The following CES5A variants were observed in gnomAD, a reference collection of about 807,000 sequenced individuals.
CES5A encodes the protein carboxylesterase 5.
A neutral mutation model predicts 62.9 loss-of-function variants in CES5A; 67 were observed. That is an observed-to-expected ratio of 1.07 (90% CI 0.88 to 1.31). The LOEUF is 1.31. Among genes scored for constraint, CES5A ranks in the 50% most tolerant of loss-of-function variants. The pLI is 0.00. For synonymous variants in CES5A, 296 were observed against 280.8 expected, an observed-to-expected ratio of 1.05 and a Z score of -0.54; for missense variants, 748 against 708.5, an observed-to-expected ratio of 1.06 and a Z score of -0.63.
intron 1 of CES5A, among the ~76,000 whole-genome samples, chr16:55,953,501 C>A (rs983891060): frequency 6.6e-6 from 1 of 151,810 alleles, no homozygotes; most frequent in African/African-American, 2.4e-5. Context: ...TTTAATGTAC[C>A]ACAGCAATGA....
At position 55,874,026 on chromosome 16, in the gene CES5A, C is replaced by CA; in HGVS notation, c.84dup (p.Glu29Ter). Reference sequence around the variant, plus strand: ...AGCCTGGTGTTCCTCTGTGGCCCTTCAGCAGAAGGCCCTGCGGGAACACAT... The same window carrying CA: ...AGCCTGGTGTTCCTCTGTGGCCCTTCAAGCAGAAGGCCCTGCGGGAACACAT... On this transcript the variant is annotated frameshift_variant, in exon 2 of 13. Transcript: ENST00000290567. LOFTEE classifies it high-confidence loss of function. 2 of 1,604,626 alleles carry CA rather than the reference C, an allele frequency of 1.2e-6. No individual in the cohort carries two copies. The highest frequency in any genetic ancestry group is 1.7e-6 in the Non-Finnish European group (2 of 1,176,214).
chr16:55,919,879 G>C (rs13332241), intron 1 of CES5A, among the ~76,000 whole-genome samples: 2,845 of 152,234 alleles, frequency 0.019, 90 homozygotes, highest in African/African-American at 0.064. Context: ...TAAATACAGT[G>C]TGTCCTTCCA....
At chr16:55,874,964 C>G (rs1214830362) in intron 1 of CES5A, among the ~76,000 whole-genome samples, 185 bp downstream of exon 1, 1 of 152,202 alleles carries the variant, frequency 6.6e-6, no homozygotes, top group Non-Finnish European at 1.5e-5. Flanking sequence ...TGTGCGCTAC[C>G]CACTCCCAAG....
intron 11 of CES5A, 143 bp downstream of exon 11, chr16:55,849,481 G>C (rs1316447634): frequency 1.2e-6 from 1 of 847,740 alleles, no homozygotes; most frequent in African/African-American, 1.7e-5. Flanking sequence ...ATGGAAGGGA[G>C]GGCATTTTCC....
In CES5A at chr16:55,932,090, T is replaced by A. The variant is rs138840730; in HGVS notation, c.160+17695A>T. On this transcript the variant is annotated intron_variant, in intron 2 of 13. Coordinates refer to the CES5A transcript ENST00000521992. ...GGTTATCAGAGGACTGGGTTGGTTATCACAAGAGTGTGTCTATTATAAAAG... is the reference window on the plus strand; with the variant it reads ...GGTTATCAGAGGACTGGGTTGGTTAACACAAGAGTGTGTCTATTATAAAAG... Among the ~76,000 whole-genome samples the A allele has an allele frequency of 2.7e-3, 404 of 152,310 alleles. 2 individuals are homozygous for A. The highest frequency in any genetic ancestry group is 9.0e-3 in the African/African-American group (376 of 41,562).
chr16:55,949,836 T>C (rs1335346555), exon 2 of CES5A: 1 of 1,526,816 alleles, frequency 6.5e-7, no homozygotes, highest in Non-Finnish European at 8.8e-7. Flanking sequence ...ACATACAAAG[T>C]TGAGGAGGCT....
In CES5A at chr16:55,860,046, G is replaced by T. The variant is rs192096027; in HGVS notation, c.916-359C>A. On this transcript the variant is annotated intron_variant, in intron 7 of 12. Transcript: ENST00000290567. Reference sequence around the variant, plus strand: ...CCACATGTTGTGGCAGGGACCTGGTGAGAGGTAATTGAATCATGGGGGCAG... The same window carrying T: ...CCACATGTTGTGGCAGGGACCTGGTTAGAGGTAATTGAATCATGGGGGCAG... 4.9e-3 allele frequency among the ~76,000 whole-genome samples: 747 copies of T among 152,292 alleles called. 3 individuals are homozygous for T. Among genetic ancestry groups the T allele is most frequent in the Non-Finnish European group, 7.7e-3 (527 of 68,016 alleles).
chr16:55,856,395 A>C lies in CES5A; in HGVS notation c.1107T>G (p.His369Gln). ...TACTCACCAGGATGTTTTGTATCAG[A>C]TGGAGGGCAAGGGACTTGTTGGAGC... ...LSGSNKSLAL[H>Q]LIQNILHIPP... Residue 369 changes from histidine (H) to glutamine (Q), a missense_variant, in exon 9 of 13, where the codon CAT (histidine) becomes CAG (glutamine). Physicochemically the swap from His to Gln is conservative, Grantham distance 24. Coordinates refer to ENST00000290567, the MANE Select transcript of CES5A (RefSeq NM_001143685.2). 6.2e-7 allele frequency: 1 copy of C among 1,614,086 alleles called. No individual in the cohort carries two copies. The highest frequency in any genetic ancestry group is 1.7e-4 in the Middle Eastern group (1 of 6,058).
At chr16:55,874,529 A>G (rs1336789075) in intron 1 of CES5A, among the ~76,000 whole-genome samples, 1 of 151,280 alleles carries the variant, frequency 6.6e-6, no homozygotes, top group Non-Finnish European at 1.5e-5. Flanking sequence ...TTAAAATTTT[A>G]CCTAGAAGAA....
Position 55,871,698 on chromosome 16 carries a change from A to G in CES5A, c.344T>C (p.Phe115Ser), listed in dbSNP as rs2033591260. The G allele has an allele frequency of 6.2e-7, 1 of 1,614,096 alleles. No homozygotes were observed. The highest frequency in any genetic ancestry group is 1.6e-4 in the Middle Eastern group (1 of 6,062). The change falls in exon 3 of 13, where the codon TTC becomes TCC. Residue 115 changes from phenylalanine (F) to serine (S), a missense_variant. Phe to Ser is a radical substitution (Grantham distance 155, BLOSUM62 -2). Coordinates refer to ENST00000290567, the MANE Select transcript of CES5A (RefSeq NM_001143685.2). ...GTAGAGGCAGTCTTCTGACACTCCG[A>G]ATTTCGGGTAATGCACCTTGAGCAT... ...QHMLKVHYPKFGVSEDCLYLN... is the reference protein window; with the variant it reads ...QHMLKVHYPKSGVSEDCLYLN...
intron 1 of CES5A, among the ~76,000 whole-genome samples, chr16:55,920,277 G>A: frequency 6.6e-6 from 1 of 152,164 alleles, no homozygotes; most frequent in East Asian, 1.9e-4. Context: ...AGGTGAGATT[G>A]AGAAGAGCAA....
intron 1 of CES5A, among the ~76,000 whole-genome samples, chr16:55,891,835 TC>T (rs746055678): frequency 2.0e-4 from 30 of 152,178 alleles, no homozygotes; most frequent in Non-Finnish European, 3.4e-4. Context: ...TATCATGACT[TC>T]CTTTCTAATC....
At chr16:55,902,996 C>T (rs753994393) in intron 1 of CES5A, among the ~76,000 whole-genome samples, 11 of 152,038 alleles carry the variant, frequency 7.2e-5, no homozygotes, top group Admixed American at 1.3e-4. Flanking sequence ...AGAAGGGCAA[C>T]AAAAACAAAC....
At chr16:55,904,804 T>A (rs1244193140) in intron 1 of CES5A, among the ~76,000 whole-genome samples, 3 of 152,110 alleles carry the variant, frequency 2.0e-5, no homozygotes, top group East Asian at 3.9e-4. Flanking sequence ...CTTTCTAGTC[T>A]CAGGTCGGGC....
At chr16:55,877,356 G>A (rs570762478), upstream of CES5A, among the ~76,000 whole-genome samples, 34 of 152,148 alleles carry the variant, frequency 2.2e-4, no homozygotes, top group African/African-American at 6.7e-4. Context: ...CCAGAGAGGC[G>A]AAGAATTCTC....
chr16:55,945,675 A>T (rs2034487711), intron 2 of CES5A, among the ~76,000 whole-genome samples: 1 of 152,244 alleles, frequency 6.6e-6, no homozygotes, highest in South Asian at 2.1e-4. Context: ...TGTCAAAATC[A>T]TCTGCGGTCT....
chr16:55,912,375 G>A (rs956351788), intron 1 of CES5A, among the ~76,000 whole-genome samples: 1 of 152,194 alleles, frequency 6.6e-6, no homozygotes, highest in Non-Finnish European at 1.5e-5. Flanking sequence ...GTGCTGTGCC[G>A]GGTCTCTCTG....
rs1251711299 is a variant in CES5A at position 55,866,103 on chromosome 16, G to A, written c.565C>T (p.His189Tyr). 3.7e-6 allele frequency: 6 copies of A among 1,612,948 alleles called. No homozygotes were observed. The highest frequency in any genetic ancestry group is 2.2e-5 in the East Asian group (1 of 44,844). ...IFGFFTTWDQ[H>Y]APGNWAFKDQ... ...TTGAAGGCCCAGTTCCCCGGAGCAT[G>A]CTGATCCCATGTGCTGAGGACAAGA... Residue 189 changes from histidine (H) to tyrosine (Y), a missense_variant, in exon 5 of 13, where the codon CAT becomes TAT. Coordinates refer to ENST00000290567, the MANE Select transcript of CES5A (RefSeq NM_001143685.2).
At chr16:55,935,817 A>G (rs1189282627) in intron 2 of CES5A, among the ~76,000 whole-genome samples, 1 of 150,946 alleles carries the variant, frequency 6.6e-6, no homozygotes, top group Non-Finnish European at 1.5e-5. Context: ...TCTTTCTTCC[A>G]TACACACTCC....
Sources: allele counts gnomAD v4.1 joint callset (sites outside exome capture counted in the v4.1 genomes callset), GRCh38; gene constraint gnomAD v4.1.1; transcripts MANE v1.5; gene names NCBI Gene and HGNC (gene_info 2026-07-23, HGNC 2026-07-21).